The following MEP1B variants were observed in gnomAD, a reference collection of about 807,000 sequenced individuals.
MEP1B encodes meprin A subunit beta, also known as N-benzoyl-L-tyrosyl-P-amino-benzoic acid hydrolase subunit beta.
MEP1B carries 80 observed loss-of-function variants against 84.6 expected under a neutral mutation model. The observed-to-expected ratio is 0.95, with a 90% confidence interval of 0.79 to 1.14. The LOEUF is 1.14. MEP1B is among the 50% of genes most tolerant of loss of function. The pLI, the probability that MEP1B is intolerant of heterozygous loss-of-function variation, is 0.00. For missense variants in MEP1B, 766 were observed against 855.1 expected (o/e 0.90, Z 1.30); for synonymous variants, 273 against 288.1 (o/e 0.95, Z 0.53).
At chr18:32,210,960 T>C (rs995072475) in intron 10 of MEP1B, among the ~76,000 whole-genome samples, 2 of 152,162 alleles carry the variant, frequency 1.3e-5, no homozygotes, top group Non-Finnish European at 1.5e-5. Flanking sequence ...AGGTCAGTTC[T>C]TGGCAAATAA....
chr18:32,190,389 G>T (rs1360861501), intron 1 of MEP1B, among the ~76,000 whole-genome samples: 1 of 152,170 alleles, frequency 6.6e-6, no homozygotes, highest in Admixed American at 6.5e-5. Flanking sequence ...CTTTTGATGA[G>T]ATTATAAATG....
chr18:32,196,941 T>C lies in MEP1B; in HGVS notation c.250+1456T>C, dbSNP rs200762655. 3.1e-6 allele frequency: 1 copy of C among 318,080 alleles called. No individual in the cohort carries two copies. Among genetic ancestry groups the C allele is most frequent in the Non-Finnish European group, 6.0e-6 (1 of 166,448 alleles). The allele number at this position is 318,080 out of a possible 1,614,324, so 19.7% of individuals were successfully genotyped here. On this transcript the variant is annotated intron_variant, in intron 5 of 14. Coordinates refer to ENST00000269202, the MANE Select transcript of MEP1B (RefSeq NM_005925.3). This position sits in a 1 kb window ranked among gnomAD's most constrained non-coding sequence, Gnocchi z 4.4. Reference sequence around the variant, plus strand: ...TGCTCCCTACACTTGGTTAAACAGGTGCAGGGCCTGATTGATGGGCTCACA... The same window carrying C: ...TGCTCCCTACACTTGGTTAAACAGGCGCAGGGCCTGATTGATGGGCTCACA...
chr18:32,190,919 C>T (rs1048209456), intron 1 of MEP1B, among the ~76,000 whole-genome samples: 4 of 152,074 alleles, frequency 2.6e-5, no homozygotes, highest in African/African-American at 4.8e-5. Context: ...TTGTTAAACG[C>T]TCCAAATGAT....
At chr18:32,218,089 C>T (rs948002125) in intron 14 of MEP1B, 124 bp downstream of exon 14, 2 of 797,452 alleles carry the variant, frequency 2.5e-6, no homozygotes, top group African/African-American at 1.7e-5. Context: ...GCTGGGACAA[C>T]TGATTTCAGA....
At chr18:32,216,185 T>C (rs1272073214) in intron 12 of MEP1B, among the ~76,000 whole-genome samples, 3 of 152,062 alleles carry the variant, frequency 2.0e-5, no homozygotes, top group Non-Finnish European at 2.9e-5. Flanking sequence ...TAAATCAGAT[T>C]CTTGTTTGTG....
intron 11 of MEP1B, among the ~76,000 whole-genome samples, chr18:32,214,199 T>C (rs530937989): frequency 6.6e-6 from 1 of 152,316 alleles, no homozygotes; most frequent in African/African-American, 2.4e-5. Context: ...TATAATTTCT[T>C]AGTAAAAAGT....
chr18:32,216,803 A>G (rs948485281), intron 12 of MEP1B, among the ~76,000 whole-genome samples, 188 bp from the exon 13 acceptor site: 2 of 151,782 alleles, frequency 1.3e-5, no homozygotes, highest in Non-Finnish European at 2.9e-5. Flanking sequence ...CTGAGGCCGG[A>G]GTGGAAAGGC....
chr18:32,196,629 C>G lies in MEP1B; in HGVS notation c.250+1144C>G. The G allele has an allele frequency of 1.4e-6, 1 of 713,880 alleles. No individual in the cohort carries two copies. The highest frequency in any genetic ancestry group is 2.6e-6 in the Non-Finnish European group (1 of 389,512). The allele number at this position is 713,880 out of a possible 1,614,324, so 44.2% of individuals were successfully genotyped here. On this transcript the variant is annotated intron_variant, in intron 5 of 14. Transcript: ENST00000269202. This position sits in a 1 kb window ranked among gnomAD's most constrained non-coding sequence, Gnocchi z 4.4. ...GTACTCCATCACCCTGTGCAGCACC[C>G]GCCTGATGTTGTCCAGCACGCCACC...
At chr18:32,210,344 T>TGCCA (rs1457108888) in intron 9 of MEP1B, among the ~76,000 whole-genome samples, 157 bp from the exon 10 acceptor site, 1 of 152,264 alleles carries the variant, frequency 6.6e-6, no homozygotes, top group African/African-American at 2.4e-5. Flanking sequence ...CTTTTGCAAG[T>TGCCA]GCCAGATATG....
intron 9 of MEP1B, 30 bp downstream of exon 9, chr18:32,208,301 A>G: frequency 6.4e-7 from 1 of 1,568,984 alleles, no homozygotes; most frequent in African/African-American, 1.3e-5. Context: ...CCTAGACTGT[A>G]TACTCAGTGG....
chr18:32,213,318 A>C lies in MEP1B; in HGVS notation c.1338A>C (p.Gly446=). The change falls in exon 11 of 15, where the codon GGA becomes GGC. Residue 446 remains glycine, a synonymous_variant. Transcript: ENST00000269202. Reference sequence around the variant, plus strand: ...CACAGTTCATTGGCAGCCCAAATGGAACTCTGTATAGCCCTCCATTTTACT... The same window carrying C: ...CACAGTTCATTGGCAGCCCAAATGGCACTCTGTATAGCCCTCCATTTTACT... ...NFTQFIGSPN[G]TLYSPPFYSS... The C allele has an allele frequency of 6.2e-7, 1 of 1,613,920 alleles. No homozygotes were observed. The highest frequency in any genetic ancestry group is 8.5e-7 in the Non-Finnish European group (1 of 1,179,852).
chr18:32,195,561 G>T, intron 5 of MEP1B, 76 bp downstream of exon 5: 1 of 945,560 alleles, frequency 1.1e-6, no homozygotes, highest in Non-Finnish European at 1.6e-6. Context: ...TCAAAGGGTG[G>T]GCTTATATAG....
At chr18:32,192,737 C>G (rs1339534123) in intron 3 of MEP1B, 37 bp from the exon 4 acceptor site, 1 of 1,611,006 alleles carries the variant, frequency 6.2e-7, no homozygotes, top group African/African-American at 1.3e-5. Flanking sequence ...GAGTTTGAAT[C>G]CAATTTGCTA....
chr18:32,214,827 G>C (rs1412254399), intron 11 of MEP1B, among the ~76,000 whole-genome samples: 2 of 152,096 alleles, frequency 1.3e-5, no homozygotes, highest in African/African-American at 4.8e-5. Context: ...GGAATATCTG[G>C]TACCTAGGAA....
intron 12 of MEP1B, 33 bp downstream of exon 12, chr18:32,215,294 GT>G (rs748432585): frequency 4.2e-4 from 562 of 1,338,466 alleles, no homozygotes; most frequent in Middle Eastern, 2.2e-4. Context: ...ATATAAACTA[GT>G]TTTTTTTTGT....
At chr18:32,207,783 A>G (rs1231894946) in intron 8 of MEP1B, among the ~76,000 whole-genome samples, 2 of 152,220 alleles carry the variant, frequency 1.3e-5, no homozygotes. Context: ...AGCCAAAATG[A>G]TATGTCTAGT....
In MEP1B at chr18:32,213,330, C is replaced by T; in HGVS notation, c.1350C>T (p.Ser450=). 6.2e-7 allele frequency: 1 copy of T among 1,613,646 alleles called. No individual in the cohort carries two copies. Among genetic ancestry groups the T allele is most frequent in the Admixed American group, 1.7e-5 (1 of 60,004 alleles). ...GCAGCCCAAATGGAACTCTGTATAG[C>T]CCTCCATTTTACTCTTCTAAAGGTT... The part of the protein sequence containing the change: ...FIGSPNGTLY[S]PPFYSSKGYA... Residue 450 remains serine (S), a synonymous_variant, in exon 11 of 15, where the codon AGC becomes AGT. Coordinates refer to ENST00000269202, the MANE Select transcript of MEP1B (RefSeq NM_005925.3).
rs891059153 is a variant in MEP1B, at chr18:32,196,039, G to A, written c.250+554G>A. The A allele has an allele frequency of 2.0e-5, 8 of 396,194 alleles. No homozygotes were observed. The highest frequency in any genetic ancestry group is 3.8e-5 in the Admixed American group (1 of 26,442). 24.5% of individuals were successfully genotyped at this position (396,194 alleles called of 1,614,324 possible). A position where few individuals can be genotyped will look rare whatever the true frequency, so the allele number is the denominator to read the frequency against. ...TGTCCCTCTCTATCCCTGCAAGTTC[G>A]GGGAAGAAGGGTCATTGGCAGCCCG... On this transcript the variant is annotated intron_variant, in intron 5 of 14. Transcript: ENST00000269202. The surrounding 1 kb of genome is among the most constrained non-coding windows in gnomAD (Gnocchi z 4.4).
At chr18:32,194,157 C>T (rs756876666) in intron 4 of MEP1B, among the ~76,000 whole-genome samples, 3 of 151,944 alleles carry the variant, frequency 2.0e-5, no homozygotes, top group South Asian at 2.1e-4. Flanking sequence ...CCATCCAGCC[C>T]GTCAGCAAGT....
Sources: gnomAD v4.1 joint callset for allele counts (sites outside exome capture counted in the v4.1 genomes callset) on GRCh38, gnomAD v4.1.1 for gene constraint, Gnocchi (gnomAD v3.1) non-coding constraint, MANE v1.5 for transcripts, NCBI Gene and HGNC (gene_info 2026-07-23, HGNC 2026-07-21) for gene names.